The following CACNG6 variants were observed in gnomAD, a reference collection of about 807,000 sequenced individuals.
The protein encoded by CACNG6 is voltage-dependent calcium channel gamma-6 subunit.
A neutral mutation model predicts 23.9 loss-of-function variants in CACNG6; 21 were observed. That is an observed-to-expected ratio of 0.88 (90% CI 0.62 to 1.26). The LOEUF (loss-of-function observed/expected upper bound fraction) is 1.26. CACNG6 is among the 50% of genes most tolerant of loss of function. CACNG6 has a pLI of 0.00. For missense variants in CACNG6, 340 were observed against 352.9 expected (o/e 0.96, Z 0.29); for synonymous variants, 182 against 168.9 (o/e 1.08, Z -0.60).
chr19:53,996,644 T>G (rs573670114), intron 1 of CACNG6, among the ~76,000 whole-genome samples: 3 of 152,078 alleles, frequency 2.0e-5, no homozygotes, highest in South Asian at 4.2e-4. Flanking sequence ...CTGCCTGCCT[T>G]GGCCTCCCAA....
intron 1 of CACNG6, 42 bp from the exon 2 acceptor site, chr19:53,998,197 C>CCTCA: frequency 6.4e-7 from 1 of 1,564,744 alleles, no homozygotes; most frequent in South Asian, 1.1e-5. Flanking sequence ...ACGCAAGGGA[C>CCTCA]CTCACATCCT....
rs1436983206 is a variant in CACNG6 at position 53,991,760 on chromosome 19, AG to A, written c.-1111del. On this transcript the variant is annotated 5_prime_UTR_variant, in exon 1 of 4. Transcript: ENST00000252729. Reference sequence around the variant, plus strand: ...TCGGGAGTCGGGGGTGGGAGCCCCGAGGGGGGGCCCTGGCCTGGGGCTGAGC... The same window carrying A: ...TCGGGAGTCGGGGGTGGGAGCCCCGAGGGGGGCCCTGGCCTGGGGCTGAGC... Among the ~76,000 whole-genome samples the A allele has an allele frequency of 2.7e-5, 4 of 148,604 alleles. No homozygotes were observed. The highest frequency in any genetic ancestry group is 5.9e-5 in the Non-Finnish European group (4 of 67,238).
chr19:53,998,251 C>G lies in CACNG6; in HGVS notation c.344C>G (p.Thr115Ser). ...PAELPGEANC[T>S]YFKFFTTGEN... ...CCTGCTCCCACAGAAGCAAACTGCA[C>G]CTATTTTAAATTCTTCACCACGGGG... is the stretch of plus-strand genomic sequence containing the variant. Residue 115 changes from threonine (T) to serine (S), a missense_variant, in exon 2 of 4, where the codon ACC (threonine) becomes AGC (serine). By Grantham distance (58) the Thr-to-Ser change is moderately conservative (BLOSUM62 1). Coordinates refer to ENST00000252729, the MANE Select transcript of CACNG6 (RefSeq NM_145814.2). The G allele has an allele frequency of 6.2e-7, 1 of 1,613,994 alleles. No individual in the cohort carries two copies. Among genetic ancestry groups the G allele is most frequent in the Non-Finnish European group, 8.5e-7 (1 of 1,179,916 alleles).
chr19:54,006,378 G>T (rs1267860476), intron 3 of CACNG6, among the ~76,000 whole-genome samples: 1 of 151,968 alleles, frequency 6.6e-6, no homozygotes, highest in Non-Finnish European at 1.5e-5. Flanking sequence ...CCGTTCTGGA[G>T]GCTGGAGGTC....
At chr19:53,991,301 G>A (rs555546324), upstream of CACNG6, among the ~76,000 whole-genome samples, 5 of 151,862 alleles carry the variant, frequency 3.3e-5, no homozygotes, top group African/African-American at 1.2e-4. Flanking sequence ...CCTGAGACCC[G>A]GGGCCCTGCC....
Position 53,992,094 on chromosome 19 carries a change from G to A in CACNG6, c.-784G>A, listed in dbSNP as rs1044858008. Among the ~76,000 whole-genome samples, 6 of 152,166 alleles carry A rather than the reference G, an allele frequency of 3.9e-5. No homozygotes were observed. The highest frequency in any genetic ancestry group is 1.4e-4 in the African/African-American group (6 of 41,446). On this transcript the variant is annotated 5_prime_UTR_variant, in exon 1 of 4. Transcript: ENST00000252729. The surrounding 1 kb of genome is among the most constrained non-coding windows in gnomAD (Gnocchi z 4.1). Reference sequence around the variant, plus strand: ...ACCTCGGATCTTTTCTGAATGGCAGGGGAGACCCCTATCCCCTTTTCCTGA... The same window carrying A: ...ACCTCGGATCTTTTCTGAATGGCAGAGGAGACCCCTATCCCCTTTTCCTGA...
At chr19:54,004,333 TTTTG>T (rs1403062293) in intron 3 of CACNG6, among the ~76,000 whole-genome samples, 63 of 104,408 alleles carry the variant, frequency 6.0e-4, no homozygotes, top group South Asian at 2.8e-3. Flanking sequence ...AATTTTGTAT[TTTTG>T]TGTGTGTGTG....
At chr19:54,004,618 G>C (rs530711737) in intron 3 of CACNG6, among the ~76,000 whole-genome samples, 1 of 152,036 alleles carries the variant, frequency 6.6e-6, no homozygotes, top group Non-Finnish European at 1.5e-5. Flanking sequence ...GCAAGGCCTC[G>C]CGCGGGCTGA....
intron 3 of CACNG6, among the ~76,000 whole-genome samples, chr19:54,009,279 G>C (rs1049691885): frequency 6.6e-6 from 1 of 152,088 alleles, no homozygotes; most frequent in Non-Finnish European, 1.5e-5. Flanking sequence ...AAATTAGCCA[G>C]GCGTGGTGGC....
chr19:54,002,284 G>GTTTTT (rs139176353), intron 3 of CACNG6, among the ~76,000 whole-genome samples: 2 of 117,428 alleles, frequency 1.7e-5, no homozygotes, highest in Non-Finnish European at 1.6e-5. Flanking sequence ...TGTTTTTTTT[G>GTTTTT]TTTTTTTTTT....
In CACNG6 at chr19:53,991,913, T is replaced by A. The variant is rs1420223987; in HGVS notation, c.-965T>A. ...AACCCTGGGGGGACTCAGTCCTGGTTTTCCGAGCCGCAGTGCGGACCACAG... is the reference window on the plus strand; with the variant it reads ...AACCCTGGGGGGACTCAGTCCTGGTATTCCGAGCCGCAGTGCGGACCACAG... On this transcript the variant is annotated 5_prime_UTR_variant, in exon 1 of 4. Coordinates refer to ENST00000252729, the MANE Select transcript of CACNG6 (RefSeq NM_145814.2). Among the ~76,000 whole-genome samples, 1 of 151,952 alleles carries A rather than the reference T, an allele frequency of 6.6e-6. No homozygotes were observed. Among genetic ancestry groups the A allele is most frequent in the East Asian group, 1.9e-4 (1 of 5,172 alleles).
chr19:54,006,522 CT>C (rs766609552), intron 3 of CACNG6, among the ~76,000 whole-genome samples: 677 of 34,176 alleles, frequency 0.02, 5 homozygotes, highest in African/African-American at 0.066. Context: ...TCTTTCTTTT[CT>C]TTTTTTTTTT....
chr19:54,005,003 AG>A (rs1364733280), intron 3 of CACNG6, among the ~76,000 whole-genome samples: 1 of 149,600 alleles, frequency 6.7e-6, no homozygotes, highest in Non-Finnish European at 1.5e-5. Context: ...CAAGATCAGG[AG>A]TTGGAGACCA....
rs1021635920 is a variant in CACNG6 at position 53,992,236 on chromosome 19, T to G, written c.-642T>G. The G allele has an allele frequency of 2.6e-5, 4 of 152,182 alleles. No homozygotes were observed. Among genetic ancestry groups the G allele is most frequent in the African/African-American group, 9.7e-5 (4 of 41,424 alleles). The allele number at this position is 152,182 out of a possible 1,614,324, so 9.4% of individuals were successfully genotyped here. On this transcript the variant is annotated 5_prime_UTR_variant, in exon 1 of 4. Transcript: ENST00000252729. The surrounding 1 kb of genome is among the most constrained non-coding windows in gnomAD (Gnocchi z 4.1). Reference sequence around the variant, plus strand: ...ACCCGGATTGAATTCCGACCTCCCCTTGGGAGCTTCCCGGGACCCCAGGTC... The same window carrying G: ...ACCCGGATTGAATTCCGACCTCCCCGTGGGAGCTTCCCGGGACCCCAGGTC...
intron 1 of CACNG6, among the ~76,000 whole-genome samples, chr19:53,995,736 A>G (rs963840318): frequency 6.6e-6 from 1 of 152,230 alleles, no homozygotes; most frequent in African/African-American, 2.4e-5. Context: ...ATCTCGGCCC[A>G]CTGCAACCTC....
intron 3 of CACNG6, among the ~76,000 whole-genome samples, chr19:54,004,897 T>C (rs1016177580): frequency 5.4e-5 from 8 of 147,326 alleles, no homozygotes; most frequent in Non-Finnish European, 1.0e-4. Context: ...CAAGAAAATG[T>C]TAAAAATAAA....
intron 3 of CACNG6, among the ~76,000 whole-genome samples, chr19:54,004,900 A>AAAATAAAT (rs57494617): frequency 2.1e-3 from 321 of 151,594 alleles, no homozygotes; most frequent in African/African-American, 7.3e-3. Flanking sequence ...GAAAATGTTA[A>AAAATAAAT]AAATAAATAA....
chr19:54,006,886 CAG>C (rs1309487322), intron 3 of CACNG6, among the ~76,000 whole-genome samples: 1 of 150,876 alleles, frequency 6.6e-6, no homozygotes, highest in Non-Finnish European at 1.5e-5. Flanking sequence ...TTTGTAGAGA[CAG>C]GGTCTCACTC....
At chr19:54,009,436 T>C (rs1600065023) in intron 3 of CACNG6, among the ~76,000 whole-genome samples, 1 of 108,840 alleles carries the variant, frequency 9.2e-6, no homozygotes, top group African/African-American at 3.8e-5. Context: ...GGCAACAGAG[T>C]GAGACTCCAT....
Sources: allele counts gnomAD v4.1 joint callset (sites outside exome capture counted in the v4.1 genomes callset), GRCh38; gene constraint gnomAD v4.1.1; non-coding constraint Gnocchi (gnomAD v3.1); transcripts MANE v1.5; gene names NCBI Gene and HGNC (gene_info 2026-07-23, HGNC 2026-07-21).